Variants in UBTD1 observed in about 807,000 individuals in gnomAD.
UBTD1 encodes ubiquitin domain containing 1.
In UBTD1, 19 loss-of-function variants were observed where a neutral mutation model predicts 21.7. The observed-to-expected ratio is 0.87, with a 90% CI of 0.61 to 1.28. The LOEUF (loss-of-function observed/expected upper bound fraction) is 1.28. Among genes scored for constraint, UBTD1 ranks in the 50% most tolerant of loss-of-function variants. The pLI is 0.00. For synonymous variants in UBTD1, 116 were observed against 135.1 expected (o/e 0.86, Z 0.98); for missense variants, 282 against 315.1 (o/e 0.89, Z 0.80).
chr10:97,543,207 G>T (rs2040594363), intron 1 of UBTD1, among the ~76,000 whole-genome samples: 1 of 152,242 alleles, frequency 6.6e-6, no homozygotes, highest in Admixed American at 6.5e-5. Flanking sequence ...GGAGCGCCTG[G>T]TGGGAAGAGG....
chr10:97,516,649 C>T (rs1368905208), intron 1 of UBTD1, among the ~76,000 whole-genome samples: 1 of 152,154 alleles, frequency 6.6e-6, no homozygotes, highest in African/African-American at 2.4e-5. Flanking sequence ...GTGGCAGGCG[C>T]CTGTAGTTCC....
intron 1 of UBTD1, among the ~76,000 whole-genome samples, chr10:97,558,243 C>T (rs1269454871): frequency 6.6e-6 from 1 of 152,046 alleles, no homozygotes; most frequent in African/African-American, 2.4e-5. Context: ...CTCTCTGATA[C>T]CAGGAGTAAG....
chr10:97,499,156 C>G lies in UBTD1; in HGVS notation c.-48C>G. 1 of 1,501,198 alleles carries G rather than the reference C, an allele frequency of 6.7e-7. No individual in the cohort carries two copies. Among genetic ancestry groups the G allele is most frequent in the Non-Finnish European group, 8.9e-7 (1 of 1,120,282 alleles). The allele number at this position is 1,501,198 out of a possible 1,614,324, so 93.0% of individuals were successfully genotyped here. A position where few individuals can be genotyped will look rare whatever the true frequency, so the allele number is the denominator to read the frequency against. ...GGGACGCCGCCGTCCGCTGAGCAGC[C>G]GACCACCCCGCCGCCTCCGGTGCAT... is the stretch of plus-strand genomic sequence containing the variant. On this transcript the variant is annotated 5_prime_UTR_variant, in exon 1 of 3. Coordinates refer to ENST00000370664, the MANE Select transcript of UBTD1 (RefSeq NM_024954.5).
At chr10:97,547,705 C>T (rs2040617787) in intron 1 of UBTD1, among the ~76,000 whole-genome samples, 1 of 152,128 alleles carries the variant, frequency 6.6e-6, no homozygotes, top group African/African-American at 2.4e-5. Context: ...ACTGGGACTA[C>T]AGGCATATGC....
intron 2 of UBTD1, 27 bp downstream of exon 2, chr10:97,568,168 C>A: frequency 6.2e-7 from 1 of 1,611,790 alleles, no homozygotes; most frequent in Non-Finnish European, 8.5e-7. Context: ...AGGGCTTTAT[C>A]CCCGCTGGAG....
intron 1 of UBTD1, among the ~76,000 whole-genome samples, chr10:97,560,712 A>C (rs1042105849): frequency 6.6e-6 from 1 of 152,136 alleles, no homozygotes; most frequent in Non-Finnish European, 1.5e-5. Context: ...GTAGCACTGT[A>C]ATCTCCCTTA....
intron 1 of UBTD1, among the ~76,000 whole-genome samples, chr10:97,567,502 T>A (rs969250612): frequency 6.6e-6 from 1 of 150,898 alleles, no homozygotes; most frequent in Admixed American, 6.6e-5. Context: ...CTACTAAAAA[T>A]ACAAAAATTA....
At chr10:97,533,988 G>A (rs1463679116) in intron 1 of UBTD1, among the ~76,000 whole-genome samples, 2 of 152,088 alleles carry the variant, frequency 1.3e-5, no homozygotes, top group African/African-American at 4.8e-5. Flanking sequence ...GGTGATGTGG[G>A]CCACAGCCCA....
chr10:97,531,658 C>A (rs1031330324), intron 1 of UBTD1, among the ~76,000 whole-genome samples: 4 of 152,200 alleles, frequency 2.6e-5, no homozygotes, highest in African/African-American at 9.6e-5. Flanking sequence ...GAGCTTCAGC[C>A]TTTGGTTAGT....
intron 1 of UBTD1, among the ~76,000 whole-genome samples, chr10:97,521,577 T>C (rs1444979702): frequency 6.6e-6 from 1 of 152,222 alleles, no homozygotes. Flanking sequence ...CCTTCTGCCA[T>C]AGCCTGGTAG....
intron 1 of UBTD1, among the ~76,000 whole-genome samples, chr10:97,548,371 C>T (rs531595643): frequency 1.2e-4 from 19 of 152,334 alleles, no homozygotes; most frequent in African/African-American, 4.6e-4. Context: ...GTGTTGACTG[C>T]AGGAAAGGGA....
At chr10:97,503,365 A>G (rs937187736) in intron 1 of UBTD1, among the ~76,000 whole-genome samples, 1 of 152,186 alleles carries the variant, frequency 6.6e-6, no homozygotes, top group Non-Finnish European at 1.5e-5. Flanking sequence ...ATACATGTAC[A>G]CTAGGTAGAT....
chr10:97,549,420 G>A (rs1639628335), intron 1 of UBTD1, among the ~76,000 whole-genome samples: 1 of 152,170 alleles, frequency 6.6e-6, no homozygotes, highest in Non-Finnish European at 1.5e-5. Context: ...TTCCTAAACT[G>A]CCTGCCCATT....
intron 1 of UBTD1, among the ~76,000 whole-genome samples, chr10:97,561,757 C>T (rs954617613): frequency 2.0e-5 from 3 of 152,120 alleles, no homozygotes; most frequent in African/African-American, 4.8e-5. Flanking sequence ...AAAATGGGTA[C>T]TGAGTATAAA....
intron 1 of UBTD1, among the ~76,000 whole-genome samples, chr10:97,503,217 T>G (rs1376197645): frequency 6.6e-6 from 1 of 152,188 alleles, no homozygotes; most frequent in Non-Finnish European, 1.5e-5. Context: ...CACCCAGCCT[T>G]AAAAATTTTT....
At chr10:97,519,031 G>A (rs2040456074) in intron 1 of UBTD1, among the ~76,000 whole-genome samples, 1 of 152,252 alleles carries the variant, frequency 6.6e-6, no homozygotes, top group African/African-American at 2.4e-5. Flanking sequence ...ACCAGAACCT[G>A]TATCAGTCTG....
At chr10:97,532,058 G>A (rs182237159) in intron 1 of UBTD1, among the ~76,000 whole-genome samples, 63 of 152,294 alleles carry the variant, frequency 4.1e-4, no homozygotes, top group African/African-American at 1.4e-3. Flanking sequence ...GGCAGTTGGA[G>A]GTGGGCAGGG....
chr10:97,535,137 C>T (rs1389200889), intron 1 of UBTD1, among the ~76,000 whole-genome samples: 2 of 152,206 alleles, frequency 1.3e-5, no homozygotes, highest in East Asian at 1.9e-4. Flanking sequence ...CCTCCTCTGT[C>T]TCATGGCCCC....
At chr10:97,561,229 C>T (rs1315367902) in intron 1 of UBTD1, among the ~76,000 whole-genome samples, 1 of 152,102 alleles carries the variant, frequency 6.6e-6, no homozygotes, top group African/African-American at 2.4e-5. Context: ...GGCCGGAGTT[C>T]CCCACAGGGA....
Sources: gnomAD v4.1 joint callset for allele counts (sites outside exome capture counted in the v4.1 genomes callset) on GRCh38, gnomAD v4.1.1 for gene constraint, MANE v1.5 for transcripts, NCBI Gene and HGNC (gene_info 2026-07-23, HGNC 2026-07-21) for gene names.